TTC23: variants seen among roughly 807,000 people sequenced by gnomAD.
TTC23 encodes the protein tetratricopeptide repeat domain 23, also known as tetratricopeptide repeat protein 23.
Under a neutral mutation model 55.1 loss-of-function variants are expected in TTC23, and 58 were observed. The observed-to-expected ratio is 1.05, with a 90% CI of 0.85 to 1.31. TTC23 has a LOEUF of 1.31. Ranked by LOEUF, TTC23 falls within the 50% of genes most tolerant of loss-of-function variation. The pLI, the probability that TTC23 is intolerant of heterozygous loss-of-function variation, is 0.00. For missense variants in TTC23, 516 were observed against 534.4 expected, an observed-to-expected ratio of 0.97 and a Z score of 0.34; for synonymous variants, 203 against 199.9, an observed-to-expected ratio of 1.02 and a Z score of -0.13.
At chr15:99,230,612 G>GA (rs2152072906) in intron 4 of TTC23, among the ~76,000 whole-genome samples, 1 of 151,742 alleles carries the variant, frequency 6.6e-6, no homozygotes, top group East Asian at 1.9e-4. Flanking sequence ...CAAAAGTAGA[G>GA]AAAAAAGACA....
chr15:99,178,694 C>T (rs117119935), intron 9 of TTC23, among the ~76,000 whole-genome samples: 1,975 of 152,318 alleles, frequency 0.013, 21 homozygotes, highest in Non-Finnish European at 0.02. Context: ...TTCCTATCTA[C>T]CCTTACTCTT....
intron 7 of TTC23, 57 bp from the exon 8 acceptor site, chr15:99,218,770 G>C (rs201175349): frequency 1.6e-4 from 263 of 1,608,108 alleles, no homozygotes; most frequent in Non-Finnish European, 2.1e-4. Flanking sequence ...CCCATGTCCT[G>C]AACTTCCTTG....
At chr15:99,250,630 C>T (rs1426753941), upstream of TTC23, among the ~76,000 whole-genome samples, 2 of 152,168 alleles carry the variant, frequency 1.3e-5, no homozygotes, top group Non-Finnish European at 2.9e-5. Context: ...TTTTTAACAG[C>T]ATAAAGCCCT....
intron 12 of TTC23, among the ~76,000 whole-genome samples, chr15:99,154,028 C>T (rs2070204488): frequency 6.6e-6 from 1 of 151,906 alleles, no homozygotes; most frequent in Non-Finnish European, 1.5e-5. Context: ...CCAAAATGAC[C>T]CCATTAGGGA....
rs1293613460 is a variant in TTC23 at position 99,139,489 on chromosome 15, C to A, written c.1144-90G>T. The A allele has an allele frequency of 3.8e-6, 6 of 1,581,388 alleles. No individual in the cohort carries two copies. The South Asian group carries it at 6.9e-5, about 18-fold the overall frequency. On this transcript the variant is annotated intron_variant, in intron 12 of 13. Coordinates refer to ENST00000394132, the MANE Select transcript of TTC23 (RefSeq NM_001288615.3). ...CTCCCTTGAATGAGAGAAAGATGAC[C>A]TCATTCTTAGGCCCTGCTGTGATGG...
chr15:99,198,835 C>G (rs950233905), intron 9 of TTC23, among the ~76,000 whole-genome samples: 1 of 152,178 alleles, frequency 6.6e-6, no homozygotes, highest in African/African-American at 2.4e-5. Context: ...CTCTCAGGAC[C>G]TTGTCACTGT....
chr15:99,229,853 T>G (rs1351480312), intron 4 of TTC23, among the ~76,000 whole-genome samples: 2 of 152,218 alleles, frequency 1.3e-5, no homozygotes, highest in Non-Finnish European at 2.9e-5. Flanking sequence ...GAGGCGATAA[T>G]TAGCTCTAGA....
chr15:99,183,794 C>A (rs1399092536), intron 9 of TTC23, among the ~76,000 whole-genome samples: 1 of 152,126 alleles, frequency 6.6e-6, no homozygotes, highest in Non-Finnish European at 1.5e-5. Flanking sequence ...TAACGAGGAG[C>A]TGAATGTTAA....
chr15:99,221,832 G>A lies in TTC23; in HGVS notation c.213C>T (p.Cys71=), dbSNP rs746175756. 33 of 1,614,000 alleles carry A rather than the reference G, an allele frequency of 2.0e-5. No individual in the cohort carries two copies. The highest frequency in any genetic ancestry group is 1.6e-4 in the Middle Eastern group (1 of 6,080). The part of the protein sequence containing the change: ...YKQAVHELVR[C]VALTRICYGD... Reference sequence around the variant, plus strand: ...CATAGCAAATTCTTGTCAGTGCTACGCAACGCACAAGCTCATGGACGGCCT... The same window carrying A: ...CATAGCAAATTCTTGTCAGTGCTACACAACGCACAAGCTCATGGACGGCCT... Residue 71 remains cysteine, a synonymous_variant, in exon 6 of 14, where the codon TGC becomes TGT. Transcript: ENST00000394132.
intron 8 of TTC23, among the ~76,000 whole-genome samples, chr15:99,212,764 G>A (rs955955213): frequency 1.3e-5 from 2 of 152,054 alleles, no homozygotes; most frequent in African/African-American, 2.4e-5. Flanking sequence ...TTGGGAGGCC[G>A]AGACAGGAGG....
At chr15:99,152,697 G>C (rs1272026132) in intron 12 of TTC23, among the ~76,000 whole-genome samples, 1 of 152,136 alleles carries the variant, frequency 6.6e-6, no homozygotes, top group African/African-American at 2.4e-5. Flanking sequence ...AGCAATGCAA[G>C]AATGGCCTAA....
chr15:99,139,811 T>C (rs1166690880), intron 12 of TTC23: 31 of 1,187,680 alleles, frequency 2.6e-5, no homozygotes, highest in African/African-American at 3.2e-5. Flanking sequence ...TATTAATATA[T>C]AGGCTGTCTA....
chr15:99,152,165 T>C (rs114143476), intron 12 of TTC23, among the ~76,000 whole-genome samples: 3,527 of 152,222 alleles, frequency 0.023, 108 homozygotes, highest in African/African-American at 0.079. Flanking sequence ...TGTTTAAAAG[T>C]ATGTGGCACT....
At chr15:99,140,846 A>G (rs1188667518) in intron 12 of TTC23, 2 of 152,248 alleles carry the variant, frequency 1.3e-5, no homozygotes, top group East Asian at 3.8e-4. Context: ...AGTGCACAGA[A>G]ATGAGAAAGG....
chr15:99,243,433 T>C (rs937185734), intron 2 of TTC23, among the ~76,000 whole-genome samples: 4 of 152,216 alleles, frequency 2.6e-5, no homozygotes, highest in African/African-American at 9.6e-5. Flanking sequence ...GAGAACAGTA[T>C]GGAAGTTCCT....
intron 12 of TTC23, among the ~76,000 whole-genome samples, chr15:99,147,381 A>G (rs200197770): frequency 2.4e-4 from 36 of 151,772 alleles, no homozygotes; most frequent in Middle Eastern, 3.4e-3. Context: ...GCCCGCCACC[A>G]CACCCGGCTA....
intron 7 of TTC23, 48 bp downstream of exon 7, chr15:99,218,850 T>C: frequency 1.3e-6 from 2 of 1,599,752 alleles, no homozygotes; most frequent in Non-Finnish European, 1.7e-6. Context: ...CGTGTAAGTG[T>C]TACGTGAATA....
chr15:99,165,370 A>G (rs2071929156), intron 10 of TTC23, among the ~76,000 whole-genome samples: 1 of 152,252 alleles, frequency 6.6e-6, no homozygotes, highest in Non-Finnish European at 1.5e-5. Flanking sequence ...AAATGATCTA[A>G]TTACATTCCA....
chr15:99,229,517 T>C (rs1264455415), intron 4 of TTC23, among the ~76,000 whole-genome samples: 1 of 152,084 alleles, frequency 6.6e-6, no homozygotes, highest in African/African-American at 2.4e-5. Flanking sequence ...GTGGACTACC[T>C]GAGTTGAGGA....
Sources: gnomAD v4.1 joint callset for allele counts (sites outside exome capture counted in the v4.1 genomes callset) on GRCh38, gnomAD v4.1.1 for gene constraint, MANE v1.5 for transcripts, NCBI Gene and HGNC (gene_info 2026-07-23, HGNC 2026-07-21) for gene names.